Variants in MRPS15 observed in about 807,000 individuals in gnomAD.
MRPS15 encodes the protein small ribosomal subunit protein uS15m.
In MRPS15, 25 loss-of-function variants were observed where a neutral mutation model predicts 30.7. The ratio of observed to expected loss-of-function variants is 0.81; its 90% CI spans 0.59 to 1.14. The LOEUF (loss-of-function observed/expected upper bound fraction) is 1.14, where lower values mean the gene tolerates loss of function less well. MRPS15 is among the 50% of genes most tolerant of loss of function. The pLI is 0.00. For missense variants in MRPS15, 313 were observed against 321.7 expected (o/e 0.97, Z 0.21); for synonymous variants, 124 against 120.1 (o/e 1.03, Z -0.21).
rs1470594994 is a variant in MRPS15 at position 36,458,466 on chromosome 1, T to C, written c.386-485A>G. 1.3e-5 allele frequency: 2 copies of C among 156,266 alleles called. No homozygotes were observed. The highest frequency in any genetic ancestry group is 2.4e-5 in the African/African-American group (1 of 41,490). 9.7% of individuals were successfully genotyped at this position (156,266 alleles called of 1,614,324 possible). On this transcript the variant is annotated intron_variant, in intron 5 of 7. Transcript: ENST00000373116. The surrounding 1 kb of genome is among the most constrained non-coding windows in gnomAD (Gnocchi z 4.5). ...CTGGTCTCAAACTCCTGACCTCAAG[T>C]GATCCACCTGCCTTGGCCTCCCAAA...
At chr1:36,456,431 C>T (rs1649997276) in intron 6 of MRPS15, 53 bp from the exon 7 acceptor site, 3 of 1,413,246 alleles carry the variant, frequency 2.1e-6, no homozygotes, top group Non-Finnish European at 2.8e-6. Flanking sequence ...CTGTTGTTCA[C>T]AGTAACAAAC....
Position 36,462,234 on chromosome 1 carries a change from C to G in MRPS15, c.176-71G>C. On this transcript the variant is annotated intron_variant, in intron 2 of 7. Coordinates refer to ENST00000373116, the MANE Select transcript of MRPS15 (RefSeq NM_031280.4). ...GCTGCCCACCCTCCCAGACCTGGCT[C>G]TTTTCACCCACTCTCCAACTCCAGA... is the stretch of plus-strand genomic sequence containing the variant. 4 of 1,152,372 alleles carry G rather than the reference C, an allele frequency of 3.5e-6. No individual in the cohort carries two copies. The South Asian group carries it at 5.5e-5, about 16-fold the overall frequency. The allele number at this position is 1,152,372 out of a possible 1,614,324, so 71.4% of individuals were successfully genotyped here. A position where few individuals can be genotyped will look rare whatever the true frequency, so the allele number is the denominator to read the frequency against.
At chr1:36,461,149 C>A in intron 4 of MRPS15, 115 bp downstream of exon 4, 1 of 987,784 alleles carries the variant, frequency 1.0e-6, no homozygotes, top group Non-Finnish European at 1.6e-6. Flanking sequence ...GGCAGAATGA[C>A]AGTGGGCTAA....
rs369289048 is a variant in MRPS15, at chr1:36,463,788, C to T, written c.175+18G>A. The T allele has an allele frequency of 6.2e-7, 1 of 1,609,378 alleles. No individual in the cohort carries two copies. ...GAGGTCTCTCTTCCGCCCCAAGTCC[C>T]ACCTTAGGAACTCCTACCTGGTTTC... On this transcript the variant is annotated intron_variant, in intron 2 of 7. Transcript: ENST00000373116.
chr1:36,461,310 A>G lies in MRPS15; in HGVS notation c.254T>C (p.Val85Ala), dbSNP rs781603240. 3.7e-6 allele frequency: 6 copies of G among 1,614,124 alleles called. No homozygotes were observed. In the South Asian group the frequency reaches 5.5e-5, roughly 15 times the overall value. Residue 85 changes from valine to alanine, a missense_variant and splice_region_variant, in exon 4 of 8, where the codon GTT becomes GCT. By Grantham distance (64) the Val-to-Ala change is moderately conservative. Transcript: ENST00000373116. ...CAAGAGTCTTTTCACGACATCATCA[A>G]CCCTGTGGATAAACCACAGCAATGA... ...DYQNVPGIEK[V>A]DDVVKRLLSL... is the part of the protein sequence containing the mutation.
intron 1 of MRPS15, 146 bp downstream of exon 1, chr1:36,464,000 C>T: frequency 6.7e-7 from 1 of 1,503,414 alleles, no homozygotes. Context: ...TTGTCTCTCA[C>T]ATCTTGTTTC....
In MRPS15 at chr1:36,464,382, G is replaced by T; in HGVS notation, c.-107C>A. Reference sequence around the variant, plus strand: ...TGCTGGCCCAGGATCGACCAATCGAGGCAGTTGCAATACCGGAGCAGACGA... The same window carrying T: ...TGCTGGCCCAGGATCGACCAATCGATGCAGTTGCAATACCGGAGCAGACGA... On this transcript the variant is annotated 5_prime_UTR_variant, in exon 1 of 8. Transcript: ENST00000373116. 2 of 1,440,580 alleles carry T rather than the reference G, an allele frequency of 1.4e-6. No homozygotes were observed. Among genetic ancestry groups the T allele is most frequent in the Middle Eastern group, 3.8e-4 (2 of 5,308 alleles). The allele number at this position is 1,440,580 out of a possible 1,614,324, so 89.2% of individuals were successfully genotyped here.
intron 2 of MRPS15, among the ~76,000 whole-genome samples, chr1:36,462,469 G>C (rs1237488979): frequency 2.0e-5 from 3 of 152,236 alleles, no homozygotes; most frequent in Non-Finnish European, 4.4e-5. Flanking sequence ...GGATAGGACA[G>C]AGTTTGACTC....
Position 36,463,677 on chromosome 1 carries a change from G to A in MRPS15, c.175+129C>T, listed in dbSNP as rs994561780. The A allele has an allele frequency of 4.4e-5, 46 of 1,042,644 alleles. No homozygotes were observed. The African/African-American group carries it at 7.1e-4, about 16-fold the overall frequency. The allele number at this position is 1,042,644 out of a possible 1,614,324, so 64.6% of individuals were successfully genotyped here. A position where few individuals can be genotyped will look rare whatever the true frequency, so the allele number is the denominator to read the frequency against. ...TAGGGCTTTGTGTAAGGTGGACGTG[G>A]GGTCTTTTGCTCAGGACCTCTGGCT... On this transcript the variant is annotated intron_variant, in intron 2 of 7. Coordinates refer to ENST00000373116, the MANE Select transcript of MRPS15 (RefSeq NM_031280.4).
Position 36,460,844 on chromosome 1 carries a change from C to A in MRPS15, c.301-68G>T, listed in dbSNP as rs3738839. ...CCTCTAAGAACTAGCCCTCCTCCCC[C>A]CAAGGGCCCTGGCTACAGTTATAGC... On this transcript the variant is annotated intron_variant, in intron 4 of 7. Coordinates refer to ENST00000373116, the MANE Select transcript of MRPS15 (RefSeq NM_031280.4). 89 of 1,308,554 alleles carry A rather than the reference C, an allele frequency of 6.8e-5. 1 individual carries two copies. The highest frequency in any genetic ancestry group is 4.6e-4 in the African/African-American group (32 of 68,996). The allele number at this position is 1,308,554 out of a possible 1,614,324, so 81.1% of individuals were successfully genotyped here.
At chr1:36,459,400 C>CAAAAAAAAAA (rs61246335) in intron 5 of MRPS15, 2 of 83,824 alleles carry the variant, frequency 2.4e-5, no homozygotes, top group Non-Finnish European at 2.5e-5. Flanking sequence ...GATCCGGTCT[C>CAAAAAAAAAA]AAAAAAAAAA....
At chr1:36,463,740 C>T (rs556567327) in intron 2 of MRPS15, 66 bp downstream of exon 2, 221 of 1,562,340 alleles carry the variant, frequency 1.4e-4, no homozygotes, top group Non-Finnish European at 1.8e-4. Flanking sequence ...ACATCGGTCC[C>T]CTTACCCACC....
At position 36,462,083 on chromosome 1, in the gene MRPS15, C is replaced by T; in HGVS notation, c.251+5G>A. On this transcript the variant is annotated splice_donor_5th_base_variant and intron_variant, in intron 3 of 7. Coordinates refer to ENST00000373116, the MANE Select transcript of MRPS15 (RefSeq NM_031280.4). ...GCCTCCTCTACTAGGTTTCTTCCTG[C>T]TTACTTCTCAATTCCAGGGACATTC... The T allele has an allele frequency of 6.2e-7, 1 of 1,612,446 alleles. No individual in the cohort carries two copies. Among genetic ancestry groups the T allele is most frequent in the Non-Finnish European group, 8.5e-7 (1 of 1,178,846 alleles).
intron 1 of MRPS15, 35 bp downstream of exon 1, chr1:36,464,111 C>G: frequency 6.2e-7 from 1 of 1,606,202 alleles, no homozygotes; most frequent in African/African-American, 1.3e-5. Flanking sequence ...AACCCTGTTT[C>G]CCTACGCCCG....
rs763316374 is a variant in MRPS15, at chr1:36,464,159, G to C, written c.117C>G (p.Gly39=). ...GSAKFPFNQW[G]LQPRSLLLQA... ...TCAGCTCCTCACTTCGAGGCTGCAGGCCCCACTGGTTGAAAGGAAACTTGG... is the reference window on the plus strand; with the variant it reads ...TCAGCTCCTCACTTCGAGGCTGCAGCCCCCACTGGTTGAAAGGAAACTTGG... Residue 39 remains glycine (G), a synonymous_variant, in exon 1 of 8, where the codon GGC becomes GGG. Transcript: ENST00000373116. 6 of 1,613,724 alleles carry C rather than the reference G, an allele frequency of 3.7e-6. No individual in the cohort carries two copies. Among genetic ancestry groups the C allele is most frequent in the Non-Finnish European group, 5.1e-6 (6 of 1,179,920 alleles).
Position 36,464,058 on chromosome 1 carries a change from T to C in MRPS15, c.130+88A>G, listed in dbSNP as rs968042962. 43 of 1,293,096 alleles carry C rather than the reference T, an allele frequency of 3.3e-5. No individual in the cohort carries two copies. In the Admixed American group the frequency reaches 3.9e-4, roughly 12 times the overall value. 80.1% of individuals were successfully genotyped at this position (1,293,096 alleles called of 1,614,324 possible). ...TTTCCCCCTTATCCTGACCGCTGTA[T>C]ATCTCCCCTACTCCTGTGCTTCCTT... is the stretch of plus-strand genomic sequence containing the variant. On this transcript the variant is annotated intron_variant, in intron 1 of 7. Transcript: ENST00000373116.
At chr1:36,460,033 C>T (rs570848161) in intron 5 of MRPS15, among the ~76,000 whole-genome samples, 72 of 152,272 alleles carry the variant, frequency 4.7e-4, no homozygotes, top group African/African-American at 1.6e-3. Flanking sequence ...ATTTTCGAGA[C>T]GGAGTCTCGC....
rs1384724902 is a variant in MRPS15 at position 36,462,097 on chromosome 1, C to T, written c.242G>A (p.Gly81Glu). Reference protein sequence around the residue: ...TLLKDYQNVPGIEKVDDVVKR... With the variant: ...TLLKDYQNVPEIEKVDDVVKR... ...GTTTCTTCCTGCTTACTTCTCAATT[C>T]CAGGGACATTCTGGTAGTCTTTGAG... The change falls in exon 3 of 8, where the codon GGA becomes GAA. Residue 81 changes from glycine to glutamate, a missense_variant. Physicochemically the swap from Gly to Glu is moderately conservative, Grantham distance 98. Transcript: ENST00000373116. The T allele has an allele frequency of 2.5e-6, 4 of 1,612,944 alleles. No homozygotes were observed. The highest frequency in any genetic ancestry group is 2.5e-6 in the Non-Finnish European group (3 of 1,179,318).
rs1195268217 is a variant in MRPS15, at chr1:36,461,310, AC to A, written c.253del (p.Val85LeufsTer5). Reference protein sequence around the residue: ...DYQNVPGIEKVDDVVKRLLSL... With the variant: ...DYQNVPGIEKXDDVVKRLLSL... The stretch of plus-strand genomic sequence containing the variant: ...CAAGAGTCTTTTCACGACATCATCA[AC>A]CCTGTGGATAAACCACAGCAATGAG... On this transcript the variant is annotated frameshift_variant and splice_region_variant, in exon 4 of 8. Transcript: ENST00000373116. LOFTEE classifies it high-confidence loss of function. 1.2e-6 allele frequency: 2 copies of A among 1,614,006 alleles called. No homozygotes were observed. The highest frequency in any genetic ancestry group is 2.7e-5 in the African/African-American group (2 of 74,920).
Sources: allele counts gnomAD v4.1 joint callset (sites outside exome capture counted in the v4.1 genomes callset), GRCh38; gene constraint gnomAD v4.1.1; non-coding constraint Gnocchi (gnomAD v3.1); transcripts MANE v1.5; gene names NCBI Gene and HGNC (gene_info 2026-07-23, HGNC 2026-07-21).